SRGAP3: variants seen among roughly 807,000 people sequenced by gnomAD.
SRGAP3 encodes the protein SLIT-ROBO Rho GTPase-activating protein 3.
SRGAP3 carries 39 observed loss-of-function variants against 121.1 expected under a neutral mutation model. The ratio of observed to expected loss-of-function variants is 0.32; its 90% CI spans 0.25 to 0.42. The LOEUF is 0.42. Among genes scored for constraint, SRGAP3 ranks in the 10% least tolerant of loss-of-function variants. The pLI, the probability that SRGAP3 is intolerant of heterozygous loss-of-function variation, is 1.00. For synonymous variants in SRGAP3, 601 were observed against 570.0 expected (o/e 1.05, Z -0.77); for missense variants, 1,213 against 1,470.6 (o/e 0.82, Z 2.86).
chr3:9,204,708 A>G (rs1162065970), intron 1 of SRGAP3, among the ~76,000 whole-genome samples: 3 of 152,206 alleles, frequency 2.0e-5, no homozygotes, highest in African/African-American at 7.2e-5. Flanking sequence ...AAACTGTGGT[A>G]ATACAATTAG....
At chr3:9,138,710 C>G (rs908353565) in intron 1 of SRGAP3, among the ~76,000 whole-genome samples, 55 of 152,126 alleles carry the variant, frequency 3.6e-4, no homozygotes, top group Non-Finnish European at 4.0e-4. Context: ...CCTCACAGGA[C>G]AGGTCACGGT....
At chr3:9,200,199 T>C (rs1952029658) in intron 1 of SRGAP3, among the ~76,000 whole-genome samples, 1 of 152,254 alleles carries the variant, frequency 6.6e-6, no homozygotes, top group Non-Finnish European at 1.5e-5. Context: ...ATGTGTCCTT[T>C]ATATGTCACC....
chr3:9,166,372 A>G (rs1008358077), intron 1 of SRGAP3, among the ~76,000 whole-genome samples: 1 of 152,134 alleles, frequency 6.6e-6, no homozygotes, highest in Non-Finnish European at 1.5e-5. Context: ...TGGTCCCACA[A>G]ATTTGGTTAT....
At chr3:9,360,602 G>T (rs2600179) in intron 1 of SRGAP3, among the ~76,000 whole-genome samples, 22,531 of 152,248 alleles carry the variant, frequency 0.15, 2,772 homozygotes, top group East Asian at 0.37. Flanking sequence ...GTTCCATGTG[G>T]CTACGGAGGC....
At chr3:9,138,022 A>G (rs894676770) in intron 1 of SRGAP3, among the ~76,000 whole-genome samples, 10 of 152,222 alleles carry the variant, frequency 6.6e-5, no homozygotes, top group African/African-American at 2.4e-4. Context: ...ATCAGGATTC[A>G]TTAATGCTGA....
intron 4 of SRGAP3, among the ~76,000 whole-genome samples, chr3:9,066,138 G>A (rs1408808752): frequency 6.6e-6 from 1 of 152,116 alleles, no homozygotes. Context: ...TTTCTGAGCA[G>A]GCATACTTTT....
At position 8,981,762 on chromosome 3, in the gene SRGAP3, A is replaced by G; in HGVS notation, c.*3757T>C. Reference sequence around the variant, plus strand: ...CAGCCGATAGCCAAAATATGGCTCAATTTCCCTGTGTCTCTTCCCACTCCG... The same window carrying G: ...CAGCCGATAGCCAAAATATGGCTCAGTTTCCCTGTGTCTCTTCCCACTCCG... On this transcript the variant is annotated 3_prime_UTR_variant, in exon 22 of 22. Transcript: ENST00000383836. 4.4e-6 allele frequency: 1 copy of G among 229,872 alleles called. No homozygotes were observed. Among genetic ancestry groups the G allele is most frequent in the Non-Finnish European group, 8.6e-6 (1 of 115,714 alleles). 14.2% of individuals were successfully genotyped at this position (229,872 alleles called of 1,614,324 possible).
At chr3:9,027,054 C>T (rs1410801430) in intron 12 of SRGAP3, 59 bp from the exon 13 acceptor site, 1 of 1,486,816 alleles carries the variant, frequency 6.7e-7, no homozygotes, top group African/African-American at 1.4e-5. Context: ...AGGAAAAAGA[C>T]ATTGCAAACA....
rs1017522712 is a variant in SRGAP3, at chr3:9,349,089, A to G, written n.214+13751T>C. 7 of 917,972 alleles carry G rather than the reference A, an allele frequency of 7.6e-6. No homozygotes were observed. The Admixed American group carries it at 1.2e-4, about 16-fold the overall frequency. The allele number at this position is 917,972 out of a possible 1,614,324, so 56.9% of individuals were successfully genotyped here. ...CTGCCCACTGGTATTCCCGTTGTCTATGAATTGGACAAGAACTTGAAACCC... is the reference window on the plus strand; with the variant it reads ...CTGCCCACTGGTATTCCCGTTGTCTGTGAATTGGACAAGAACTTGAAACCC... On this transcript the variant is annotated intron_variant and non_coding_transcript_variant, in intron 1 of 3. Coordinates refer to the SRGAP3 transcript ENST00000490889.
intron 6 of SRGAP3, chr3:9,059,812 T>C (rs1574999675): frequency 6.7e-6 from 2 of 299,668 alleles, no homozygotes; most frequent in East Asian, 8.2e-5. Context: ...CATGTACACG[T>C]GTCTGGCTGA....
At chr3:9,183,781 C>CAA (rs1452172310) in intron 1 of SRGAP3, among the ~76,000 whole-genome samples, 1 of 151,748 alleles carries the variant, frequency 6.6e-6, no homozygotes, top group African/African-American at 2.4e-5. Flanking sequence ...CACACACACA[C>CAA]ACACACACAC....
rs1318645226 is a variant in SRGAP3 at position 9,226,822 on chromosome 3, C to T, written c.67+22063G>A. Among the ~76,000 whole-genome samples, 4 of 152,182 alleles carry T rather than the reference C, an allele frequency of 2.6e-5. No individual in the cohort carries two copies. The South Asian group carries it at 8.3e-4, about 31-fold the overall frequency. On this transcript the variant is annotated intron_variant, in intron 1 of 21. Coordinates refer to ENST00000383836, the MANE Select transcript of SRGAP3 (RefSeq NM_014850.4). ...TCAGAGGACCATGACCCCATCTCTG[C>T]CCCTCAAATTGTTGAAGCTGATGGC...
intron 1 of SRGAP3, among the ~76,000 whole-genome samples, chr3:9,141,721 TTGAA>T (rs1949859745): frequency 6.6e-6 from 1 of 152,170 alleles, no homozygotes; most frequent in Non-Finnish European, 1.5e-5. Context: ...GCCTGGTTGT[TTGAA>T]TGAGCTTCAT....
chr3:9,200,507 A>G (rs1952037534), intron 1 of SRGAP3, among the ~76,000 whole-genome samples: 1 of 152,186 alleles, frequency 6.6e-6, no homozygotes, highest in Admixed American at 6.5e-5. Context: ...GCAAAATGTT[A>G]TGGAAGCAAT....
intron 1 of SRGAP3, among the ~76,000 whole-genome samples, chr3:9,147,149 C>T (rs1950052179): frequency 1.3e-5 from 2 of 152,238 alleles, no homozygotes; most frequent in African/African-American, 4.8e-5. Flanking sequence ...GATTAAATAA[C>T]TTGCCCAAGG....
At chr3:9,347,367 A>AT (rs1559287491) in intron 1 of SRGAP3, among the ~76,000 whole-genome samples, 3 of 152,132 alleles carry the variant, frequency 2.0e-5, no homozygotes, top group African/African-American at 7.2e-5. Context: ...TTAAATGATA[A>AT]TTTTTTTTAA....
chr3:9,054,790 TTACTC>T (rs777391407), intron 8 of SRGAP3, among the ~76,000 whole-genome samples: 18 of 152,258 alleles, frequency 1.2e-4, no homozygotes, highest in African/African-American at 3.4e-4. Context: ...TTTGGTCACT[TTACTC>T]TATATCTAGA....
chr3:9,004,290 A>G (rs1296437890), intron 18 of SRGAP3, among the ~76,000 whole-genome samples: 1 of 152,220 alleles, frequency 6.6e-6, no homozygotes, highest in Non-Finnish European at 1.5e-5. Context: ...ATAATTGGCA[A>G]AACATCCTGT....
chr3:8,990,460 G>A (rs1941968832), intron 21 of SRGAP3, 52 bp downstream of exon 21: 37 of 1,546,348 alleles, frequency 2.4e-5, no homozygotes, highest in Admixed American at 3.9e-5. Flanking sequence ...ATTCCCACCC[G>A]CTGCCCTCTG....
Sources: gnomAD v4.1 joint callset for allele counts (sites outside exome capture counted in the v4.1 genomes callset) on GRCh38, gnomAD v4.1.1 for gene constraint, MANE v1.5 for transcripts, NCBI Gene and HGNC (gene_info 2026-07-23, HGNC 2026-07-21) for gene names.